The following DMD variants were observed in gnomAD, a reference collection of about 807,000 sequenced individuals.
The protein encoded by DMD is mutant dystrophin.
DMD carries 63 observed loss-of-function variants against 330.1 expected under a neutral mutation model. That is an observed-to-expected ratio of 0.19 (90% CI 0.16 to 0.24). The LOEUF is 0.24. Among genes scored for constraint, DMD ranks in the 10% least tolerant of loss-of-function variants. DMD has a pLI of 1.00. For synonymous variants in DMD, 1,223 were observed against 959.8 expected (o/e 1.27, Z -5.07); for missense variants, 3,344 against 2,684.1 (o/e 1.25, Z -5.43).
chrX:32,452,039 C>T (rs1029054280), intron 26 of DMD, among the ~76,000 whole-genome samples: 7 of 109,096 alleles, frequency 6.4e-5, no homozygotes, highest in Non-Finnish European at 1.2e-4. Context: ...CTCTAGAGCA[C>T]AGGAAAATAA....
intron 11 of DMD, among the ~76,000 whole-genome samples, chrX:32,627,580 G>C (rs945884332): frequency 3.6e-5 from 4 of 111,073 alleles, no homozygotes; most frequent in African/African-American, 1.3e-4. Flanking sequence ...GGGTCAAAAC[G>C]CAAACAAGGG....
intron 2 of DMD, among the ~76,000 whole-genome samples, chrX:32,960,685 G>A (rs1267072541): frequency 9.0e-6 from 1 of 111,025 alleles, no homozygotes; most frequent in African/African-American, 3.3e-5. Flanking sequence ...TTCAGTTCAT[G>A]CTGAACTCTT....
In DMD at chrX:32,295,216, G is replaced by A. The variant is rs2097490464; in HGVS notation, c.6118-7515C>T. On this transcript the variant is annotated intron_variant, in intron 42 of 78. Transcript: ENST00000357033. ...CAAATGGAATTTTAATTTCTGAAAGGCATCTGTACACGAATTTATACAACT... is the reference window on the plus strand; with the variant it reads ...CAAATGGAATTTTAATTTCTGAAAGACATCTGTACACGAATTTATACAACT... Among the ~76,000 whole-genome samples the A allele has an allele frequency of 4.5e-5, 5 of 111,663 alleles. No homozygotes were observed. The Admixed American group carries it at 4.8e-4, about 11-fold the overall frequency.
chrX:31,251,653 T>G (rs1411282013), intron 63 of DMD, among the ~76,000 whole-genome samples: 1 of 112,475 alleles, frequency 8.9e-6, no homozygotes, highest in African/African-American at 3.2e-5. Flanking sequence ...TTTATGTGAG[T>G]GCTCTGACTG....
Position 32,266,464 on chromosome X carries a change from A to G in DMD, c.6290+21065T>C, listed in dbSNP as rs6631531. ...AGTTTACTTATTAATGCTAAACTGT[A>G]TTTTTACCTTTTTACTTTTGAACGC... On this transcript the variant is annotated intron_variant, in intron 43 of 78. Transcript: ENST00000357033. Among the ~76,000 whole-genome samples the G allele has an allele frequency of 0.043, 4,843 of 111,771 alleles. 323 individuals carry two copies. In the East Asian group the frequency reaches 0.44, roughly 10 times the overall value.
chrX:33,281,587 C>G (rs1286164237), intron 1 of DMD, among the ~76,000 whole-genome samples: 1 of 111,337 alleles, frequency 9.0e-6, no homozygotes, highest in East Asian at 2.8e-4. Context: ...GATGTCTTTT[C>G]TCATTCTAGT....
chrX:31,208,456 T>G (rs1425508750), intron 65 of DMD, among the ~76,000 whole-genome samples: 1 of 111,855 alleles, frequency 8.9e-6, no homozygotes, highest in East Asian at 2.8e-4. Flanking sequence ...TGCCAAAATA[T>G]ATTTGAGGGG....
In DMD at chrX:32,102,989, A is replaced by G. The variant is rs765693875; in HGVS notation, c.6438+113927T>C. 3.6e-5 allele frequency among the ~76,000 whole-genome samples: 4 copies of G among 111,960 alleles called. No individual in the cohort carries two copies. In the South Asian group the frequency reaches 1.5e-3, roughly 41 times the overall value. The stretch of plus-strand genomic sequence containing the variant: ...AACTTAGGGAACATATAATTTAGAG[A>G]AACTATTTTTAACCCAACGGAGCTG... On this transcript the variant is annotated intron_variant, in intron 44 of 78. Coordinates refer to ENST00000357033, the MANE Select transcript of DMD (RefSeq NM_004006.3).
At chrX:33,064,069 G>T (rs1331073894) in intron 1 of DMD, among the ~76,000 whole-genome samples, 1 of 111,218 alleles carries the variant, frequency 9.0e-6, no homozygotes, top group Non-Finnish European at 1.9e-5. Flanking sequence ...GATTGCCTTA[G>T]ATTCATGCCC....
chrX:31,972,698 T>C (rs1240115040), intron 44 of DMD, among the ~76,000 whole-genome samples: 4 of 111,784 alleles, frequency 3.6e-5, no homozygotes, highest in Non-Finnish European at 3.8e-5. Flanking sequence ...AAGAATCCAA[T>C]ACTGAGATTT....
chrX:33,099,544 G>T (rs1371590237), intron 1 of DMD, among the ~76,000 whole-genome samples: 1 of 111,260 alleles, frequency 9.0e-6, no homozygotes, highest in Non-Finnish European at 1.9e-5. Flanking sequence ...CAGAGATGAT[G>T]ATATGTCTGC....
intron 7 of DMD, among the ~76,000 whole-genome samples, chrX:32,721,025 A>G (rs1233283322): frequency 2.7e-5 from 3 of 110,950 alleles, no homozygotes; most frequent in African/African-American, 9.9e-5. Context: ...AGGCTCACCT[A>G]TGTTGTTACA....
At chrX:32,104,892 C>T (rs2096557471) in intron 44 of DMD, among the ~76,000 whole-genome samples, 1 of 111,656 alleles carries the variant, frequency 9.0e-6, no homozygotes, top group African/African-American at 3.3e-5. Flanking sequence ...AGAAATTGTT[C>T]TATAATTGCT....
intron 7 of DMD, among the ~76,000 whole-genome samples, chrX:32,776,479 G>A (rs2074161708): frequency 9.0e-6 from 1 of 111,316 alleles, no homozygotes; most frequent in African/African-American, 3.3e-5. Context: ...AGTTCTACAT[G>A]GGTGGGGAGG....
intron 1 of DMD, among the ~76,000 whole-genome samples, chrX:33,158,696 G>A (rs1314395651): frequency 9.0e-6 from 1 of 111,604 alleles, no homozygotes; most frequent in Non-Finnish European, 1.9e-5. Flanking sequence ...GGTGACCAAA[G>A]CAGCATAACC....
intron 18 of DMD, among the ~76,000 whole-genome samples, chrX:32,503,739 A>T (rs1167035487): frequency 9.0e-6 from 1 of 110,731 alleles, no homozygotes; most frequent in Non-Finnish European, 1.9e-5. Flanking sequence ...TATTTTTAGT[A>T]GAGACAGGGT....
intron 15 of DMD, among the ~76,000 whole-genome samples, chrX:32,568,109 G>T (rs1462567567): frequency 8.9e-6 from 1 of 112,055 alleles, no homozygotes; most frequent in African/African-American, 3.2e-5. Flanking sequence ...AAAAACCTAT[G>T]AGTAACCTCA....
chrX:32,979,288 T>C (rs2092639252), intron 2 of DMD, among the ~76,000 whole-genome samples: 1 of 111,935 alleles, frequency 8.9e-6, no homozygotes, highest in East Asian at 2.8e-4. Context: ...CTCTGGAGAG[T>C]AACCAATGTT....
At chrX:31,487,002 C>T (rs1008764197) in intron 57 of DMD, among the ~76,000 whole-genome samples, 1 of 111,710 alleles carries the variant, frequency 9.0e-6, no homozygotes, top group African/African-American at 3.3e-5. Flanking sequence ...GCAAGCAATC[C>T]AGGATGTACA....
Sources: gnomAD v4.1 joint callset for allele counts (sites outside exome capture counted in the v4.1 genomes callset) on GRCh38, gnomAD v4.1.1 for gene constraint, MANE v1.5 for transcripts, NCBI Gene and HGNC (gene_info 2026-07-23, HGNC 2026-07-21) for gene names.